Variants in KIF24 observed in about 807,000 individuals in gnomAD.
The protein encoded by KIF24 is kinesin-like protein KIF24.
In KIF24, 81 loss-of-function variants were observed where a neutral mutation model predicts 118.9. The ratio of observed to expected loss-of-function variants is 0.68; its 90% confidence interval spans 0.57 to 0.82. The LOEUF (loss-of-function observed/expected upper bound fraction) is 0.82. KIF24 is among the 40% of genes least tolerant of loss of function. The pLI is 0.00. For synonymous variants in KIF24, 599 were observed against 610.0 expected, an observed-to-expected ratio of 0.98 and a Z score of 0.27; for missense variants, 1,560 against 1,661.6, an observed-to-expected ratio of 0.94 and a Z score of 1.06.
At chr9:34,282,777 C>T (rs1027805244) in intron 6 of KIF24, 3 of 152,072 alleles carry the variant, frequency 2.0e-5, no homozygotes, top group Admixed American at 6.5e-5. Flanking sequence ...CTGAGCGGGA[C>T]GCAGTGCATC....
In KIF24 at chr9:34,329,238, C is replaced by T. The variant is rs1045291825; in HGVS notation, c.-158G>A. The stretch of plus-strand genomic sequence containing the variant: ...ACCGGCGGCGGCCAGGCCGCATCTC[C>T]ATGGCAACGCCGCCAAGCGCCAGTT... On this transcript the variant is annotated 5_prime_UTR_variant, in exon 1 of 13. The change abolishes an upstream ATG in the 5' untranslated region. Coordinates refer to ENST00000402558, the MANE Select transcript of KIF24 (RefSeq NM_194313.4). 1.3e-5 allele frequency among the ~76,000 whole-genome samples: 2 copies of T among 152,250 alleles called. No homozygotes were observed. Among genetic ancestry groups the T allele is most frequent in the African/African-American group, 4.8e-5 (2 of 41,468 alleles).
intron 2 of KIF24, 79 bp downstream of exon 2, chr9:34,310,645 G>C: frequency 6.1e-6 from 6 of 977,564 alleles, no homozygotes; most frequent in Non-Finnish European, 9.2e-6. Context: ...AGTAGATGCT[G>C]TCTGCTGGAC....
intron 4 of KIF24, among the ~76,000 whole-genome samples, chr9:34,294,882 G>T (rs1483156472): frequency 6.6e-6 from 1 of 152,128 alleles, no homozygotes; most frequent in African/African-American, 2.4e-5. Context: ...GGACACAAGA[G>T]AACTTTCTGG....
chr9:34,291,649 C>T (rs561408335), intron 4 of KIF24, among the ~76,000 whole-genome samples: 2 of 152,256 alleles, frequency 1.3e-5, no homozygotes, highest in Admixed American at 1.3e-4. Context: ...GTATGTTTTA[C>T]GAGGAGTTGG....
Position 34,311,469 on chromosome 9 carries a change from T to C in KIF24, c.-25-98A>G, listed in dbSNP as rs1343275304. On this transcript the variant is annotated intron_variant, in intron 1 of 12. Coordinates refer to ENST00000402558, the MANE Select transcript of KIF24 (RefSeq NM_194313.4). ...AAACCACAAAACCACAAAACAAACA[T>C]GCAAAAAATGTTTTATCTGTCAAGT... 7.2e-6 allele frequency: 4 copies of C among 555,176 alleles called. No individual in the cohort carries two copies. In the Admixed American group the frequency reaches 1.1e-4, roughly 16 times the overall value. The allele number at this position is 555,176 out of a possible 1,614,324, so 34.4% of individuals were successfully genotyped here. A position where few individuals can be genotyped will look rare whatever the true frequency, so the allele number is the denominator to read the frequency against.
Position 34,256,541 on chromosome 9 carries a change from A to G in KIF24, c.3066T>C (p.Thr1022=), listed in dbSNP as rs36025573. The part of the protein sequence containing the change: ...SADGPIQVTS[T]VKNGHAVPGE... ...CTGGGACAGCATGACCGTTTTTCAC[A>G]GTGCTGGTCACCTGGATTGGGCCGT... is the stretch of plus-strand genomic sequence containing the variant. The change falls in exon 11 of 13, where the codon ACT becomes ACC. Residue 1022 remains threonine (T), a synonymous_variant. Transcript: ENST00000402558. 96,833 of 1,613,908 alleles carry G rather than the reference A, an allele frequency of 0.06. 3,513 individuals carry two copies. Among genetic ancestry groups the G allele is most frequent in the Admixed American group, 0.12 (7,308 of 60,028 alleles).
intron 5 of KIF24, among the ~76,000 whole-genome samples, chr9:34,287,450 G>T (rs912337322): frequency 2.6e-5 from 4 of 152,070 alleles, no homozygotes; most frequent in African/African-American, 9.7e-5. Context: ...AATGGTTATG[G>T]TCTACCATCA....
Position 34,256,114 on chromosome 9 carries a change from C to T in KIF24, c.3493G>A (p.Glu1165Lys), listed in dbSNP as rs544772730. ...TCATACTGCTCACTACCCATGTGTTCGTGGGAGAAAAGTACAGTCTCTCTG... is the reference window on the plus strand; with the variant it reads ...TCATACTGCTCACTACCCATGTGTTTGTGGGAGAAAAGTACAGTCTCTCTG... ...QSRETVLFSH[E>K]HMGSEQYDAD... The change falls in exon 11 of 13, where the codon GAA becomes AAA. Residue 1165 changes from glutamate to lysine, a missense_variant. Coordinates refer to ENST00000402558, the MANE Select transcript of KIF24 (RefSeq NM_194313.4). 26 of 1,610,238 alleles carry T rather than the reference C, an allele frequency of 1.6e-5. No individual in the cohort carries two copies. In the Admixed American group the frequency reaches 2.2e-4, roughly 13 times the overall value.
Position 34,254,437 on chromosome 9 carries a change from C to A in KIF24, c.4050G>T (p.Gln1350His), listed in dbSNP as rs1451421047. 1 of 1,613,792 alleles carries A rather than the reference C, an allele frequency of 6.2e-7. No homozygotes were observed. The highest frequency in any genetic ancestry group is 2.2e-5 in the East Asian group (1 of 44,894). ...TGGGCCCGTGGCAGGTGAGATAGAGCTGCAGCTGGCTCCTCAGACTCTGGA... is the reference window on the plus strand; with the variant it reads ...TGGGCCCGTGGCAGGTGAGATAGAGATGCAGCTGGCTCCTCAGACTCTGGA... The part of the protein sequence containing the change: ...KCIQSLRSQL[Q>H]LYLTCHGPTA... Residue 1350 changes from glutamine to histidine, a missense_variant, in exon 13 of 13, where the codon CAG becomes CAT. Physicochemically the swap from Gln to His is conservative, Grantham distance 24 (BLOSUM62 0). Transcript: ENST00000402558.
At position 34,254,266 on chromosome 9, in the gene KIF24, G is replaced by A; in HGVS notation, c.*114C>T. On this transcript the variant is annotated 3_prime_UTR_variant, in exon 13 of 13. Coordinates refer to ENST00000402558, the MANE Select transcript of KIF24 (RefSeq NM_194313.4). ...GCTGGGGTGACGCTAGCATAGGCAG[G>A]ACCAGCGTGTGGGTTCTGGTGTGTG... 8.3e-7 allele frequency: 1 copy of A among 1,198,312 alleles called. No homozygotes were observed. 74.2% of individuals were successfully genotyped at this position (1,198,312 alleles called of 1,614,324 possible). A position where few individuals can be genotyped will look rare whatever the true frequency, so the allele number is the denominator to read the frequency against.
intron 2 of KIF24, 89 bp from the exon 3 acceptor site, chr9:34,306,530 C>T (rs954072253): frequency 1.3e-5 from 11 of 872,330 alleles, no homozygotes; most frequent in South Asian, 3.8e-5. Flanking sequence ...TAGCCGGGCG[C>T]GGTGGCTTAC....
chr9:34,331,964 T>G (rs923064441), upstream of KIF24, among the ~76,000 whole-genome samples: 2 of 152,230 alleles, frequency 1.3e-5, no homozygotes, highest in African/African-American at 4.8e-5. Context: ...TCTCTCAGAT[T>G]CATCCCTTCC....
At chr9:34,299,139 A>G (rs1836597105) in intron 3 of KIF24, among the ~76,000 whole-genome samples, 1 of 151,900 alleles carries the variant, frequency 6.6e-6, no homozygotes, top group African/African-American at 2.4e-5. Flanking sequence ...TCTTATATAC[A>G]TATAGCCCAA....
chr9:34,257,082 G>T lies in KIF24; in HGVS notation c.2525C>A (p.Thr842Lys). Residue 842 changes from threonine (T) to lysine (K), a missense_variant, in exon 11 of 13, where the codon ACA (threonine) becomes AAA (lysine). Coordinates refer to ENST00000402558, the MANE Select transcript of KIF24 (RefSeq NM_194313.4). ...ATTCTCCAGGGTGTTCCTTTGCTTT[G>T]TGGCCCTCTGACTAGAGATGTGTGA... is the stretch of plus-strand genomic sequence containing the variant. ...SFSHISSQRA[T>K]KQRNTLENSE... 3 of 1,614,020 alleles carry T rather than the reference G, an allele frequency of 1.9e-6. No homozygotes were observed. The highest frequency in any genetic ancestry group is 2.5e-6 in the Non-Finnish European group (3 of 1,179,892).
At position 34,318,285 on chromosome 9, in the gene KIF24, C is replaced by T. The variant is rs993509440; in HGVS notation, c.-25-6914G>A. On this transcript the variant is annotated intron_variant, in intron 1 of 12. Coordinates refer to ENST00000402558, the MANE Select transcript of KIF24 (RefSeq NM_194313.4). The surrounding 1 kb of genome is among the most constrained non-coding windows in gnomAD (Gnocchi z 4.9). ...GAAATAGGCTATAGAAGAGTAGAATCGTGTCGCGGCTCGAGAGCGAGACTC... is the reference window on the plus strand; with the variant it reads ...GAAATAGGCTATAGAAGAGTAGAATTGTGTCGCGGCTCGAGAGCGAGACTC... 1.2e-5 allele frequency: 7 copies of T among 571,966 alleles called. No homozygotes were observed. Among genetic ancestry groups the T allele is most frequent in the Middle Eastern group, 4.7e-4 (1 of 2,140 alleles). 35.4% of individuals were successfully genotyped at this position (571,966 alleles called of 1,614,324 possible).
At chr9:34,302,995 C>T (rs1338277988) in intron 3 of KIF24, among the ~76,000 whole-genome samples, 4 of 150,512 alleles carry the variant, frequency 2.7e-5, no homozygotes, top group South Asian at 2.1e-4. Context: ...AGGATGGTCT[C>T]GATCTCCTGA....
chr9:34,327,650 T>C (rs1228966213), intron 1 of KIF24, among the ~76,000 whole-genome samples: 1 of 151,992 alleles, frequency 6.6e-6, no homozygotes, highest in Non-Finnish European at 1.5e-5. Context: ...GAGTGTGTGG[T>C]CTACCTGACA....
intron 6 of KIF24, among the ~76,000 whole-genome samples, chr9:34,281,969 T>C (rs1046259158): frequency 5.3e-5 from 8 of 152,138 alleles, no homozygotes; most frequent in Non-Finnish European, 1.0e-4. Context: ...AATGGTAAAG[T>C]CACTTTGGAA....
intron 8 of KIF24, among the ~76,000 whole-genome samples, chr9:34,266,503 C>T (rs760361955): frequency 2.0e-5 from 3 of 151,816 alleles, no homozygotes; most frequent in African/African-American, 4.8e-5. Context: ...ATGGTGAAAC[C>T]GGGTCTCTAC....
Sources: gnomAD v4.1 joint callset for allele counts (sites outside exome capture counted in the v4.1 genomes callset) on GRCh38, gnomAD v4.1.1 for gene constraint, Gnocchi (gnomAD v3.1) non-coding constraint, MANE v1.5 for transcripts, NCBI Gene and HGNC (gene_info 2026-07-23, HGNC 2026-07-21) for gene names.